Variants in SPATA7 observed in about 807,000 individuals in gnomAD.
The protein encoded by SPATA7 is spermatogenesis associated 7.
In SPATA7, 43 loss-of-function variants were observed where a neutral mutation model predicts 51.8. The observed-to-expected ratio is 0.83, with a 90% CI of 0.65 to 1.07. The LOEUF is 1.07. Among genes scored for constraint, SPATA7 ranks in the 50% least tolerant of loss-of-function variants. The pLI, the probability that SPATA7 is intolerant of heterozygous loss-of-function variation, is 0.00. For synonymous variants in SPATA7, 230 were observed against 252.8 expected, an observed-to-expected ratio of 0.91 and a Z score of 0.86; for missense variants, 683 against 701.3, an observed-to-expected ratio of 0.97 and a Z score of 0.30.
intron 1 of SPATA7, among the ~76,000 whole-genome samples, chr14:88,390,251 G>A (rs1005082471): frequency 2.0e-5 from 3 of 150,562 alleles, no homozygotes; most frequent in Admixed American, 6.6e-5. Context: ...AAGCTAAAAT[G>A]GGAATTTTTT....
At chr14:88,418,463 TTTTG>T (rs200062283) in intron 5 of SPATA7, among the ~76,000 whole-genome samples, 1 of 152,018 alleles carries the variant, frequency 6.6e-6, no homozygotes, top group African/African-American at 2.4e-5. Context: ...ACAATTTTCT[TTTTG>T]TTTGTTTGTT....
intron 4 of SPATA7, chr14:88,466,501 A>G (rs1294611765): frequency 6.6e-6 from 1 of 152,192 alleles, no homozygotes; most frequent in Non-Finnish European, 1.5e-5. Context: ...AATGATGCCT[A>G]GAATAGTGTA....
chr14:88,416,911 A>C, intron 5 of SPATA7, 67 bp downstream of exon 5: 1 of 1,390,090 alleles, frequency 7.2e-7, no homozygotes, highest in Non-Finnish European at 1.0e-6. Flanking sequence ...GTACAATCTG[A>C]CTTTGTTTAC....
At chr14:88,466,748 C>G (rs190721584) in intron 4 of SPATA7, 1 of 111,556 alleles carries the variant, frequency 9.0e-6, no homozygotes, top group East Asian at 2.6e-4. Flanking sequence ...GGGCACTAAA[C>G]AGCTAACACT....
chr14:88,388,563 T>TA (rs1296706895), intron 1 of SPATA7, among the ~76,000 whole-genome samples: 2 of 152,122 alleles, frequency 1.3e-5, no homozygotes, highest in African/African-American at 2.4e-5. Context: ...AAGGAAAAGT[T>TA]AAAGAATTGT....
chr14:88,418,218 CTA>C (rs1220585623), intron 5 of SPATA7, among the ~76,000 whole-genome samples: 1 of 152,058 alleles, frequency 6.6e-6, no homozygotes, highest in Non-Finnish European at 1.5e-5. Flanking sequence ...TTAGTCTTCT[CTA>C]TTGTATTTTG....
intron 4 of SPATA7, among the ~76,000 whole-genome samples, chr14:88,463,368 A>C (rs1252131129): frequency 6.6e-6 from 1 of 152,130 alleles, no homozygotes; most frequent in African/African-American, 2.4e-5. Context: ...AGTTTCTGCA[A>C]CAAACGCTGG....
downstream of SPATA7, among the ~76,000 whole-genome samples, chr14:88,456,434 T>C (rs1275897729): frequency 1.3e-5 from 2 of 152,188 alleles, no homozygotes; most frequent in South Asian, 4.1e-4. Context: ...TGTGAGATGG[T>C]ATCTCATTGT....
Position 88,397,760 on chromosome 14 carries a change from T to C in SPATA7, c.238+1557T>C, listed in dbSNP as rs1004666612. 4.6e-5 allele frequency among the ~76,000 whole-genome samples: 7 copies of C among 152,242 alleles called. No individual in the cohort carries two copies. In the South Asian group the frequency reaches 6.2e-4, roughly 14 times the overall value. ...ATTTTTAAATCATCAGACCAAAAAT[T>C]TGAAAACCCTGTTTAAAAATTTCTG... On this transcript the variant is annotated intron_variant, in intron 4 of 11. Transcript: ENST00000393545.
chr14:88,468,988 G>A, intron 4 of SPATA7: 1 of 1,614,148 alleles, frequency 6.2e-7, no homozygotes, highest in South Asian at 1.1e-5. Flanking sequence ...CCCCAGCACT[G>A]CAGTGGACCA....
At chr14:88,444,965 C>T (rs1178253722) in intron 3 of SPATA7, among the ~76,000 whole-genome samples, 2 of 152,114 alleles carry the variant, frequency 1.3e-5, no homozygotes, top group Non-Finnish European at 2.9e-5. Flanking sequence ...CTTGGCGATG[C>T]AGGCTCTTTT....
chr14:88,433,335 T>A, intron 10 of SPATA7, 123 bp downstream of exon 10: 1 of 694,256 alleles, frequency 1.4e-6, no homozygotes, highest in Non-Finnish European at 2.4e-6. Flanking sequence ...AATATATTGC[T>A]TTCTTGGAAA....
chr14:88,469,473 C>G lies in SPATA7; in HGVS notation c.255-374C>G. On this transcript the variant is annotated intron_variant, in intron 4 of 4. Coordinates refer to the SPATA7 transcript ENST00000556406. The surrounding 1 kb of genome is among the most constrained non-coding windows in gnomAD (Gnocchi z 4.3). ...TTTAACACCTCCAGAGGCAGCTGTC[C>G]TCGGAACAAAGTTAAAGTCACTCAC... The G allele has an allele frequency of 1.3e-6, 2 of 1,568,834 alleles. No individual in the cohort carries two copies. Among genetic ancestry groups the G allele is most frequent in the Non-Finnish European group, 1.8e-6 (2 of 1,139,264 alleles).
chr14:88,386,096 T>G, intron 1 of SPATA7: 5 of 1,346,620 alleles, frequency 3.7e-6, no homozygotes, highest in Non-Finnish European at 4.9e-6. Flanking sequence ...GAACTCAGGG[T>G]CGTGCAGCCT....
chr14:88,385,778 G>T lies in SPATA7; in HGVS notation c.-41G>T. 2 of 1,586,936 alleles carry T rather than the reference G, an allele frequency of 1.3e-6. No individual in the cohort carries two copies. The highest frequency in any genetic ancestry group is 8.6e-7 in the Non-Finnish European group (1 of 1,162,102). ...GCCCGGCCGCGGGAAGGACCGAAGGGGATACAGCGTGTCCCTGCGGCGGCT... is the reference window on the plus strand; with the variant it reads ...GCCCGGCCGCGGGAAGGACCGAAGGTGATACAGCGTGTCCCTGCGGCGGCT... On this transcript the variant is annotated 5_prime_UTR_variant, in exon 1 of 12. Transcript: ENST00000393545.
At chr14:88,467,843 T>C (rs2077388859) in intron 4 of SPATA7, 4 of 329,346 alleles carry the variant, frequency 1.2e-5, no homozygotes, top group Non-Finnish European at 2.2e-5. Flanking sequence ...TAGAGAATTG[T>C]CTAGAAAATA....
intron 1 of SPATA7, among the ~76,000 whole-genome samples, chr14:88,390,006 A>G (rs539360887): frequency 6.6e-6 from 1 of 152,352 alleles, no homozygotes; most frequent in South Asian, 2.1e-4. Flanking sequence ...GACCCAGGAA[A>G]CAGACTGCTT....
chr14:88,403,521 C>G (rs564123963), intron 4 of SPATA7, among the ~76,000 whole-genome samples: 1 of 152,182 alleles, frequency 6.6e-6, no homozygotes, highest in Middle Eastern at 3.4e-3. Flanking sequence ...CATACACAGA[C>G]ACATGCAAAA....
chr14:88,459,270 A>C (rs947524591), downstream of SPATA7, among the ~76,000 whole-genome samples: 1 of 152,026 alleles, frequency 6.6e-6, no homozygotes, highest in Non-Finnish European at 1.5e-5. Flanking sequence ...CAATTCCTGG[A>C]TATCCTTGTT....
Sources: gnomAD v4.1 joint callset for allele counts (sites outside exome capture counted in the v4.1 genomes callset) on GRCh38, gnomAD v4.1.1 for gene constraint, Gnocchi (gnomAD v3.1) non-coding constraint, MANE v1.5 for transcripts, NCBI Gene and HGNC (gene_info 2026-07-23, HGNC 2026-07-21) for gene names.